ITGBL1: variants seen among roughly 807,000 people sequenced by gnomAD.
ITGBL1 encodes the protein integrin beta-like protein 1.
ITGBL1 carries 51 observed loss-of-function variants against 68.5 expected under a neutral mutation model. That is an observed-to-expected ratio of 0.74 (90% CI 0.59 to 0.94). ITGBL1 has a LOEUF of 0.94. ITGBL1 is among the 40% of genes least tolerant of loss of function. The probability of loss-of-function intolerance (pLI) is 0.00; values close to 1 mark genes in which losing one functional copy is unlikely to be tolerated. For missense variants in ITGBL1, 649 were observed against 647.4 expected, an observed-to-expected ratio of 1.00 and a Z score of -0.03; for synonymous variants, 209 against 227.3, an observed-to-expected ratio of 0.92 and a Z score of 0.72.
At chr13:101,665,596 G>C (rs2033195208) in intron 7 of ITGBL1, among the ~76,000 whole-genome samples, 1 of 151,918 alleles carries the variant, frequency 6.6e-6, no homozygotes, top group Admixed American at 6.6e-5. Context: ...TGTACTGTTT[G>C]TATTTCTTTT....
At chr13:101,582,686 T>C (rs985405740) in intron 5 of ITGBL1, among the ~76,000 whole-genome samples, 4 of 152,166 alleles carry the variant, frequency 2.6e-5, no homozygotes, top group African/African-American at 9.7e-5. Flanking sequence ...TCAGTCTTTT[T>C]TTCTTGACTT....
intron 2 of ITGBL1, among the ~76,000 whole-genome samples, chr13:101,496,314 C>G (rs915933178): frequency 6.6e-6 from 1 of 152,158 alleles, no homozygotes; most frequent in Non-Finnish European, 1.5e-5. Context: ...TCTGCCAGAG[C>G]ACAGATCTCT....
intron 2 of ITGBL1, among the ~76,000 whole-genome samples, chr13:101,461,497 C>A (rs1054005878): frequency 6.6e-6 from 1 of 151,984 alleles, no homozygotes; most frequent in African/African-American, 2.4e-5. Context: ...GGTTTGAGAC[C>A]GGCCTGGGCA....
At chr13:101,552,801 G>T (rs2139215982) in intron 2 of ITGBL1, among the ~76,000 whole-genome samples, 1 of 152,320 alleles carries the variant, frequency 6.6e-6, no homozygotes, top group Non-Finnish European at 1.5e-5. Flanking sequence ...GTGAGGAGAA[G>T]ATAACATTCC....
chr13:101,635,727 C>A (rs2032150667), intron 7 of ITGBL1, among the ~76,000 whole-genome samples: 1 of 151,926 alleles, frequency 6.6e-6, no homozygotes, highest in Non-Finnish European at 1.5e-5. Flanking sequence ...TAGACCCAAA[C>A]CATATAGGAG....
At chr13:101,473,830 G>A (rs888571069) in intron 2 of ITGBL1, among the ~76,000 whole-genome samples, 1 of 152,164 alleles carries the variant, frequency 6.6e-6, no homozygotes, top group African/African-American at 2.4e-5. Context: ...CGAGGCACTA[G>A]CTCCTTGTGC....
intron 8 of ITGBL1, among the ~76,000 whole-genome samples, chr13:101,699,275 G>A (rs2034075277): frequency 6.6e-6 from 1 of 152,182 alleles, no homozygotes; most frequent in African/African-American, 2.4e-5. Context: ...TCATTCCAGG[G>A]TTGGATGGTG....
At chr13:101,475,368 G>A (rs1444661122) in intron 2 of ITGBL1, among the ~76,000 whole-genome samples, 1 of 152,078 alleles carries the variant, frequency 6.6e-6, no homozygotes, top group Non-Finnish European at 1.5e-5. Flanking sequence ...TTTGAAGACA[G>A]GCTATTTGAA....
chr13:101,680,122 CA>C (rs1256998236), intron 7 of ITGBL1, among the ~76,000 whole-genome samples: 1 of 152,126 alleles, frequency 6.6e-6, no homozygotes. Flanking sequence ...TCTTCACTTT[CA>C]AATGTCTGAA....
intron 2 of ITGBL1, among the ~76,000 whole-genome samples, chr13:101,467,037 A>G (rs1169588582): frequency 6.6e-6 from 1 of 152,134 alleles, no homozygotes; most frequent in Non-Finnish European, 1.5e-5. Flanking sequence ...CTGGATGGCA[A>G]CTGTATCCTC....
intron 7 of ITGBL1, among the ~76,000 whole-genome samples, chr13:101,625,345 C>T (rs150647193): frequency 6.6e-6 from 1 of 152,272 alleles, no homozygotes; most frequent in East Asian, 1.9e-4. Flanking sequence ...ATATTCCTGC[C>T]AGTTAAGCCT....
intron 10 of ITGBL1, chr13:101,714,817 A>G (rs2034639848): frequency 4.3e-6 from 2 of 468,852 alleles, no homozygotes; most frequent in Admixed American, 3.6e-5. Flanking sequence ...CCTCAAACTC[A>G]CATGTATGCA....
chr13:101,516,247 AT>A (rs1455034967), intron 2 of ITGBL1, among the ~76,000 whole-genome samples: 3 of 152,094 alleles, frequency 2.0e-5, no homozygotes, highest in African/African-American at 7.2e-5. Context: ...CTTTGTTTAA[AT>A]CCTCCTCTGT....
intron 7 of ITGBL1, among the ~76,000 whole-genome samples, chr13:101,639,127 A>G (rs2032278156): frequency 6.6e-6 from 1 of 152,150 alleles, no homozygotes; most frequent in African/African-American, 2.4e-5. Context: ...TCTACACATC[A>G]ACCTTTCCTA....
At chr13:101,719,104 T>G (rs1230309094), downstream of ITGBL1, 1 of 152,176 alleles carries the variant, frequency 6.6e-6, no homozygotes, top group Non-Finnish European at 1.5e-5. Flanking sequence ...TGTGGTCTCT[T>G]TTTGAATATG....
At chr13:101,682,498 A>G (rs556461496) in intron 7 of ITGBL1, among the ~76,000 whole-genome samples, 28 of 152,238 alleles carry the variant, frequency 1.8e-4, no homozygotes, top group East Asian at 3.9e-4. Context: ...AAGTATTTCA[A>G]TGAACACGGT....
At chr13:101,600,012 G>A (rs1306506626) in intron 7 of ITGBL1, among the ~76,000 whole-genome samples, 1 of 152,156 alleles carries the variant, frequency 6.6e-6, no homozygotes, top group Non-Finnish European at 1.5e-5. Context: ...CATTGAATCT[G>A]TAAAGTACCT....
intron 2 of ITGBL1, among the ~76,000 whole-genome samples, chr13:101,535,817 C>T (rs1261968380): frequency 6.6e-6 from 1 of 152,064 alleles, no homozygotes; most frequent in Non-Finnish European, 1.5e-5. Context: ...CAATTCGAAT[C>T]TCTTCTTCAT....
intron 7 of ITGBL1, among the ~76,000 whole-genome samples, chr13:101,657,741 G>A (rs558485692): frequency 1.9e-4 from 29 of 152,274 alleles, no homozygotes; most frequent in Non-Finnish European, 3.5e-4. Flanking sequence ...TACATGTTCC[G>A]TAAAATACCT....
Sources: gnomAD v4.1 joint callset for allele counts (sites outside exome capture counted in the v4.1 genomes callset) on GRCh38, gnomAD v4.1.1 for gene constraint, MANE v1.5 for transcripts, NCBI Gene and HGNC (gene_info 2026-07-23, HGNC 2026-07-21) for gene names.